Variants in SH2D4B observed in about 807,000 individuals in gnomAD.
SH2D4B encodes SH2 domain-containing protein 4B.
In SH2D4B, 45 loss-of-function variants were observed where a neutral mutation model predicts 61.5. The ratio of observed to expected loss-of-function variants is 0.73; its 90% CI spans 0.58 to 0.94. The LOEUF is 0.94. Ranked by LOEUF, SH2D4B falls within the 40% of genes least tolerant of loss-of-function variation. The pLI is 0.00. For synonymous variants in SH2D4B, 224 were observed against 220.4 expected (o/e 1.02, Z -0.14); for missense variants, 572 against 574.2 (o/e 1.00, Z 0.04).
Position 80,603,789 on chromosome 10 carries a change from C to T in SH2D4B, c.854C>T (p.Pro285Leu), listed in dbSNP as rs749105575. 1.5e-5 allele frequency: 24 copies of T among 1,608,760 alleles called. No homozygotes were observed. The highest frequency in any genetic ancestry group is 8.4e-5 in the Admixed American group (5 of 59,726). ...GGTCTGCCGCAGCCCCTTGCCCTGC[C>T]GGTCAGGTGGGTCCAGGCTCCGTGT... is the stretch of plus-strand genomic sequence containing the variant. The part of the protein sequence containing the change: ...DPGLPQPLAL[P>L]VSRTWERPLR... Residue 285 changes from proline (P) to leucine (L), a missense_variant, in exon 5 of 8, where the codon CCG becomes CTG. By Grantham distance (98) the Pro-to-Leu change is moderately conservative (BLOSUM62 -3). Coordinates refer to ENST00000646907, the MANE Select transcript of SH2D4B (RefSeq NM_001388272.1).
intron 1 of SH2D4B, among the ~76,000 whole-genome samples, chr10:80,546,790 GT>G (rs1841686906): frequency 6.6e-6 from 1 of 151,570 alleles, no homozygotes; most frequent in African/African-American, 2.4e-5. Context: ...GCCTCCCAAA[GT>G]GCTGGGATTA....
intron 3 of SH2D4B, among the ~76,000 whole-genome samples, chr10:80,586,121 G>C: frequency 6.6e-6 from 1 of 152,298 alleles, no homozygotes; most frequent in South Asian, 2.1e-4. Flanking sequence ...GTGGGGCAGG[G>C]CTCGGGACCT....
intron 1 of SH2D4B, among the ~76,000 whole-genome samples, chr10:80,560,546 T>C (rs1172699681): frequency 6.6e-6 from 1 of 151,750 alleles, no homozygotes; most frequent in Non-Finnish European, 1.5e-5. Context: ...CCACCACACC[T>C]GGCTAATTTT....
intron 1 of SH2D4B, among the ~76,000 whole-genome samples, chr10:80,559,232 C>T (rs1195150410): frequency 1.3e-5 from 2 of 151,858 alleles, no homozygotes; most frequent in Non-Finnish European, 2.9e-5. Flanking sequence ...TTTTATTGTT[C>T]TTTTTCTAAT....
Position 80,537,903 on chromosome 10 carries a change from C to T in SH2D4B, c.-429C>T, listed in dbSNP as rs1169746431. On this transcript the variant is annotated 5_prime_UTR_variant, in exon 1 of 8. Transcript: ENST00000646907. ...TAGCTGGTGTCATTGTTACCTTCCA[C>T]TAACAGATCACTCGACACCTACCAG... 6.5e-6 allele frequency: 1 copy of T among 152,876 alleles called. No homozygotes were observed. The highest frequency in any genetic ancestry group is 1.5e-5 in the Non-Finnish European group (1 of 68,574). 9.5% of individuals were successfully genotyped at this position (152,876 alleles called of 1,614,324 possible).
At position 80,588,574 on chromosome 10, in the gene SH2D4B, C is replaced by T. The variant is rs1393475880; in HGVS notation, c.496-56C>T. 1.3e-5 allele frequency: 20 copies of T among 1,593,296 alleles called. 1 individual carries two copies. The highest frequency in any genetic ancestry group is 1.1e-4 in the South Asian group (10 of 89,728). Reference sequence around the variant, plus strand: ...CAGAATCCCAGAGATATTTCTTTCTCGTTTCTCTGAAGTGTTGTGGTCATC... The same window carrying T: ...CAGAATCCCAGAGATATTTCTTTCTTGTTTCTCTGAAGTGTTGTGGTCATC... On this transcript the variant is annotated intron_variant, in intron 3 of 7. Transcript: ENST00000646907.
chr10:80,564,674 T>A (rs1841943797), intron 1 of SH2D4B, among the ~76,000 whole-genome samples: 1 of 152,214 alleles, frequency 6.6e-6, no homozygotes. Context: ...CTTAGTCCCA[T>A]CCTTTCCCCT....
At chr10:80,612,497 A>T (rs1453710266) in intron 6 of SH2D4B, among the ~76,000 whole-genome samples, 4 of 152,156 alleles carry the variant, frequency 2.6e-5, no homozygotes, top group Non-Finnish European at 4.4e-5. Context: ...TGGTGACAGG[A>T]CAGACATCAG....
At chr10:80,562,501 C>T (rs916041612) in intron 1 of SH2D4B, among the ~76,000 whole-genome samples, 7 of 152,248 alleles carry the variant, frequency 4.6e-5, no homozygotes, top group Non-Finnish European at 1.0e-4. Flanking sequence ...ATACATACCA[C>T]ATTTTCTCTA....
chr10:80,643,896 TTCTTAGTTTCTCTGTCTTGAACCACTCTC>T, intron 7 of SH2D4B, 68 bp from the exon 8 acceptor site: 1 of 740,496 alleles, frequency 1.4e-6, no homozygotes, highest in African/African-American at 1.8e-5. Context: ...CAAATGCATA[TTCTTAGTTTCTCTGTCTTGAACCACTCTC>T]TCTCTCTCAT....
At chr10:80,582,146 G>GT (rs1361890609) in intron 3 of SH2D4B, among the ~76,000 whole-genome samples, 2 of 152,138 alleles carry the variant, frequency 1.3e-5, no homozygotes, top group Admixed American at 6.5e-5. Flanking sequence ...TTTTTCATCT[G>GT]TTTTTTCCAG....
intron 3 of SH2D4B, among the ~76,000 whole-genome samples, chr10:80,581,453 G>C (rs1007134938): frequency 2.6e-5 from 4 of 152,162 alleles, no homozygotes; most frequent in African/African-American, 9.7e-5. Context: ...ACTATATTTG[G>C]AGATAAGCTC....
Position 80,612,653 on chromosome 10 carries a change from G to T in SH2D4B, c.988+3102G>T, listed in dbSNP as rs571271227. ...GGAACTGCAGAGTCCTATGTCAAAG[G>T]GTGTGGCAACAGAGAGGGAAGAAGA... On this transcript the variant is annotated intron_variant, in intron 6 of 7. Coordinates refer to ENST00000646907, the MANE Select transcript of SH2D4B (RefSeq NM_001388272.1). Among the ~76,000 whole-genome samples, 16 of 152,272 alleles carry T rather than the reference G, an allele frequency of 1.1e-4. No homozygotes were observed. The South Asian group carries it at 3.1e-3, about 30-fold the overall frequency.
chr10:80,600,345 A>T (rs1482884276), intron 4 of SH2D4B, among the ~76,000 whole-genome samples: 5 of 152,212 alleles, frequency 3.3e-5, no homozygotes, highest in African/African-American at 7.2e-5. Flanking sequence ...TCTCTGCAGG[A>T]TGTAACCGGA....
chr10:80,577,117 C>T (rs1446741913), intron 3 of SH2D4B, among the ~76,000 whole-genome samples: 1 of 152,186 alleles, frequency 6.6e-6, no homozygotes, highest in East Asian at 1.9e-4. Context: ...TTCTACTTTT[C>T]CCTCTCTTGC....
intron 6 of SH2D4B, among the ~76,000 whole-genome samples, chr10:80,632,787 G>A (rs1018468068): frequency 3.9e-5 from 6 of 151,982 alleles, no homozygotes; most frequent in Admixed American, 6.6e-5. Flanking sequence ...AAGGCCTTCT[G>A]GGGGGAAGCA....
rs1428776109 is a variant in SH2D4B at position 80,645,553 on chromosome 10, A to G, written c.*1468A>G. The G allele has an allele frequency of 6.6e-6, 1 of 152,200 alleles. No individual in the cohort carries two copies. The highest frequency in any genetic ancestry group is 2.4e-5 in the African/African-American group (1 of 41,448). 9.4% of individuals were successfully genotyped at this position (152,200 alleles called of 1,614,324 possible). A position where few individuals can be genotyped will look rare whatever the true frequency, so the allele number is the denominator to read the frequency against. ...TCCTGGAGGAACTATTCTGAGAGTC[A>G]TCTGTTTGTATGGTCTTGTAGAAGA... On this transcript the variant is annotated 3_prime_UTR_variant, in exon 8 of 8. Coordinates refer to ENST00000646907, the MANE Select transcript of SH2D4B (RefSeq NM_001388272.1).
Position 80,538,027 on chromosome 10 carries a change from C to G in SH2D4B, c.-305C>G, listed in dbSNP as rs143012304. On this transcript the variant is annotated 5_prime_UTR_variant, in exon 1 of 8. Transcript: ENST00000646907. The surrounding 1 kb of genome is among the most constrained non-coding windows in gnomAD (Gnocchi z 4.8). ...CAGGTGATGCCAAGACATGGGCTCT[C>G]CTGGGATGCCGTGCTTGGTGACCCA... 6.9e-3 allele frequency: 1,237 copies of G among 178,952 alleles called. 8 individuals are homozygous for G. Among genetic ancestry groups the G allele is most frequent in the African/African-American group, 0.025 (1,082 of 42,710 alleles). 11.1% of individuals were successfully genotyped at this position (178,952 alleles called of 1,614,324 possible).
At chr10:80,617,345 C>T (rs1413010708) in intron 6 of SH2D4B, among the ~76,000 whole-genome samples, 4 of 152,158 alleles carry the variant, frequency 2.6e-5, no homozygotes, top group Non-Finnish European at 5.9e-5. Context: ...CCGGTGCCAC[C>T]CTCCTATAGA....
Sources: gnomAD v4.1 joint callset for allele counts (sites outside exome capture counted in the v4.1 genomes callset) on GRCh38, gnomAD v4.1.1 for gene constraint, Gnocchi (gnomAD v3.1) non-coding constraint, MANE v1.5 for transcripts, NCBI Gene and HGNC (gene_info 2026-07-23, HGNC 2026-07-21) for gene names.